CACNB2: variants seen among roughly 807,000 people sequenced by gnomAD.
CACNB2 encodes the protein calcium voltage-gated channel auxiliary subunit beta 2.
Under a neutral mutation model 73.3 loss-of-function variants are expected in CACNB2, and 42 were observed. That is an observed-to-expected ratio of 0.57 (90% CI 0.45 to 0.74). CACNB2 has a LOEUF of 0.74. Ranked by LOEUF, CACNB2 falls within the 30% of genes least tolerant of loss-of-function variation. The pLI is 0.00. For missense variants in CACNB2, 940 were observed against 853.0 expected (o/e 1.10, Z -1.27); for synonymous variants, 348 against 310.3 (o/e 1.12, Z -1.28).
intron 3 of CACNB2, among the ~76,000 whole-genome samples, chr10:18,402,584 C>CTT (rs1364817404): frequency 6.6e-6 from 1 of 152,156 alleles, no homozygotes; most frequent in East Asian, 1.9e-4. Context: ...AGAACATGTT[C>CTT]TTCTCCATTC....
rs183824984 is a variant in CACNB2 at position 18,406,009 on chromosome 10, C to T, written c.333+3966C>T. On this transcript the variant is annotated intron_variant, in intron 3 of 13. Coordinates refer to ENST00000324631, the MANE Select transcript of CACNB2 (RefSeq NM_201596.3). The stretch of plus-strand genomic sequence containing the variant: ...ATGGACTCAATGTGATCTTCTTAGC[C>T]GAATAGAATAACCTTCAATCTTGAG... 7.2e-5 allele frequency among the ~76,000 whole-genome samples: 11 copies of T among 152,100 alleles called. No individual in the cohort carries two copies. In the East Asian group the frequency reaches 1.4e-3, roughly 19 times the overall value.
At chr10:18,246,417 T>C (rs543578148) in intron 2 of CACNB2, among the ~76,000 whole-genome samples, 6 of 152,106 alleles carry the variant, frequency 3.9e-5, no homozygotes, top group Non-Finnish European at 7.3e-5. Context: ...AAAAAAAACA[T>C]TTTTACAATG....
At chr10:18,211,727 C>T (rs1246788009) in intron 2 of CACNB2, among the ~76,000 whole-genome samples, 1 of 152,166 alleles carries the variant, frequency 6.6e-6, no homozygotes, top group African/African-American at 2.4e-5. Context: ...GCTGCTAAAC[C>T]TGATGGTTGT....
Position 18,532,694 on chromosome 10 carries a change from A to C in CACNB2, c.1055-1382A>C, listed in dbSNP as rs1362709269. On this transcript the variant is annotated intron_variant, in intron 10 of 13. Transcript: ENST00000324631. ...TCTGTCTCAAAAAAAAAAAAAAAAAAAACAAAACAAAAAAACAAACAAACA... is the reference window on the plus strand; with the variant it reads ...TCTGTCTCAAAAAAAAAAAAAAAAACAACAAAACAAAAAAACAAACAAACA... Among the ~76,000 whole-genome samples the C allele has an allele frequency of 2.9e-3, 241 of 81,962 alleles. 4 individuals are homozygous for C. Among genetic ancestry groups the C allele is most frequent in the Admixed American group, 8.5e-3 (72 of 8,448 alleles). 53.8% of individuals were successfully genotyped at this position (81,962 alleles called of 152,430 possible).
intron 3 of CACNB2, among the ~76,000 whole-genome samples, chr10:18,410,893 T>C (rs2044586008): frequency 6.6e-6 from 1 of 152,052 alleles, no homozygotes; most frequent in South Asian, 2.1e-4. Flanking sequence ...GGCAAGAGAA[T>C]CACTGGAACC....
chr10:18,336,323 A>G (rs2041003140), intron 2 of CACNB2, among the ~76,000 whole-genome samples: 1 of 152,196 alleles, frequency 6.6e-6, no homozygotes. Context: ...GAACAATAAA[A>G]TGACGACTTA....
intron 3 of CACNB2, among the ~76,000 whole-genome samples, chr10:18,466,338 C>A (rs2047884513): frequency 6.6e-6 from 1 of 152,108 alleles, no homozygotes; most frequent in Non-Finnish European, 1.5e-5. Flanking sequence ...TGGACTGAAG[C>A]AACCCTCCAG....
intron 2 of CACNB2, among the ~76,000 whole-genome samples, chr10:18,205,171 C>G (rs2035039203): frequency 6.6e-6 from 1 of 152,136 alleles, no homozygotes; most frequent in South Asian, 2.1e-4. Context: ...TGACAGTTAT[C>G]TGTCCAGTGG....
In CACNB2 at chr10:18,539,311, C is replaced by T. The variant is rs1349921106; in HGVS notation, c.1570C>T (p.Pro524Ser). 1.9e-6 allele frequency: 3 copies of T among 1,613,954 alleles called. No individual in the cohort carries two copies. The highest frequency in any genetic ancestry group is 2.5e-6 in the Non-Finnish European group (3 of 1,179,984). The change falls in exon 14 of 14, where the codon CCA (proline) becomes TCA (serine). Residue 524 changes from proline to serine, a missense_variant. Coordinates refer to ENST00000324631, the MANE Select transcript of CACNB2 (RefSeq NM_201596.3). ...SQAEEEPSVE[P>S]VKKSQHRSSS... ...AGCTGAAGAAGAACCTAGTGTGGAA[C>T]CAGTCAAGAAATCCCAGCACCGCTC...
At chr10:18,409,481 A>G (rs1166982388) in intron 3 of CACNB2, among the ~76,000 whole-genome samples, 3 of 152,080 alleles carry the variant, frequency 2.0e-5, no homozygotes, top group Non-Finnish European at 4.4e-5. Context: ...TCTACTTCCA[A>G]CAAGTTCAGC....
chr10:18,301,385 A>G (rs2039503941), intron 2 of CACNB2, among the ~76,000 whole-genome samples: 1 of 152,060 alleles, frequency 6.6e-6, no homozygotes, highest in Non-Finnish European at 1.5e-5. Context: ...GCTTGAGGCC[A>G]GGAGTTTGAA....
intron 2 of CACNB2, among the ~76,000 whole-genome samples, chr10:18,382,258 G>A (rs370868506): frequency 9.9e-5 from 15 of 152,036 alleles, no homozygotes; most frequent in African/African-American, 2.9e-4. Context: ...GGGCTGTCTC[G>A]TCTCATAACT....
chr10:18,367,966 C>T (rs6482360), intron 2 of CACNB2, among the ~76,000 whole-genome samples: 46,599 of 151,864 alleles, frequency 0.31, 7,668 homozygotes, highest in East Asian at 0.7. Context: ...ATATTTTGGC[C>T]GTCTGGTCAT....
intron 3 of CACNB2, among the ~76,000 whole-genome samples, chr10:18,435,755 C>T (rs2046101807): frequency 6.6e-6 from 1 of 152,188 alleles, no homozygotes; most frequent in African/African-American, 2.4e-5. Flanking sequence ...CCGCCTTGGC[C>T]TCCCAAAGTG....
intron 2 of CACNB2, among the ~76,000 whole-genome samples, chr10:18,162,662 C>T (rs979740938): frequency 1.3e-5 from 2 of 152,076 alleles, no homozygotes; most frequent in African/African-American, 4.8e-5. Context: ...TGGAAGAGCT[C>T]AAGGGGTCAG....
At chr10:18,527,343 TGCAGCCTGG>T (rs919308266) in intron 9 of CACNB2, among the ~76,000 whole-genome samples, 94 of 151,846 alleles carry the variant, frequency 6.2e-4, no homozygotes, top group African/African-American at 1.8e-3. Flanking sequence ...ACCACTGCAT[TGCAGCCTGG>T]GCAGCCTGGG....
intron 8 of CACNB2, 104 bp from the exon 9 acceptor site, chr10:18,518,806 G>A: frequency 3.8e-6 from 4 of 1,050,920 alleles, no homozygotes; most frequent in Non-Finnish European, 5.9e-6. Context: ...CTTTCCAGAT[G>A]CAAAGCTCAG....
rs111728296 is a variant in CACNB2 at position 18,457,355 on chromosome 10, G to T, written c.334-41000G>T. Among the ~76,000 whole-genome samples, 32 of 152,166 alleles carry T rather than the reference G, an allele frequency of 2.1e-4. 1 individual carries two copies. The highest frequency in any genetic ancestry group is 7.2e-4 in the African/African-American group (30 of 41,534). ...TCCTCCTGCCTTAGCCTCCCAAAGT[G>T]CTGGAATTACAGGCATGAGCCACCA... is the stretch of plus-strand genomic sequence containing the variant. On this transcript the variant is annotated intron_variant, in intron 3 of 13. Transcript: ENST00000324631.
intron 2 of CACNB2, among the ~76,000 whole-genome samples, chr10:18,202,721 T>C (rs943833655): frequency 2.2e-4 from 33 of 152,212 alleles, no homozygotes; most frequent in Non-Finnish European, 3.8e-4. Context: ...CAGGTTCTAT[T>C]TTGGAATGTT....
Sources: allele counts gnomAD v4.1 joint callset (sites outside exome capture counted in the v4.1 genomes callset), GRCh38; gene constraint gnomAD v4.1.1; transcripts MANE v1.5; gene names NCBI Gene and HGNC (gene_info 2026-07-23, HGNC 2026-07-21).